Variants in GYG1 observed in about 807,000 individuals in gnomAD.
GYG1 encodes glycogenin-1.
Under a neutral mutation model 41.9 loss-of-function variants are expected in GYG1, and 44 were observed. The ratio of observed to expected loss-of-function variants is 1.05; its 90% confidence interval spans 0.83 to 1.35. GYG1 has a LOEUF of 1.35. GYG1 is among the 40% of genes most tolerant of loss of function. GYG1 has a pLI of 0.00. For missense variants in GYG1, 429 were observed against 418.9 expected (o/e 1.02, Z -0.21); for synonymous variants, 141 against 158.1 (o/e 0.89, Z 0.81).
intron 5 of GYG1, among the ~76,000 whole-genome samples, chr3:149,017,768 T>C (rs1714151964): frequency 6.8e-6 from 1 of 148,016 alleles, no homozygotes; most frequent in South Asian, 2.1e-4. Flanking sequence ...CATGCCCAGC[T>C]AGTTTTTTTT....
Position 149,029,460 on chromosome 3 carries a change from AAATG to A in GYG1, c.*2528_*2531del, listed in dbSNP as rs1164654464. ...TGGAGCTATGGTTTATGCATAAAGT[AAATG>A]TTTGTTTACCTTAATTCTCCTTATA... On this transcript the variant is annotated 3_prime_UTR_variant, in exon 8 of 8. Coordinates refer to ENST00000345003, the MANE Select transcript of GYG1 (RefSeq NM_004130.4). 1.3e-5 allele frequency among the ~76,000 whole-genome samples: 2 copies of A among 152,132 alleles called. No individual in the cohort carries two copies. The highest frequency in any genetic ancestry group is 2.9e-5 in the Non-Finnish European group (2 of 68,044).
intron 5 of GYG1, among the ~76,000 whole-genome samples, chr3:149,013,269 GTT>G (rs1243041802): frequency 6.9e-6 from 1 of 144,498 alleles, no homozygotes. Context: ...CTAACTGAAG[GTT>G]TTGTTTCATC....
intron 5 of GYG1, among the ~76,000 whole-genome samples, chr3:149,019,987 C>T (rs1386790245): frequency 6.6e-6 from 1 of 152,180 alleles, no homozygotes; most frequent in Non-Finnish European, 1.5e-5. Flanking sequence ...TGGATTGGAC[C>T]ATTGTGCCCT....
chr3:149,015,833 A>G (rs1684801612), intron 5 of GYG1, among the ~76,000 whole-genome samples: 1 of 152,170 alleles, frequency 6.6e-6, no homozygotes, highest in Non-Finnish European at 1.5e-5. Context: ...TCACCACAGC[A>G]TGTTTTTGTA....
At chr3:149,019,437 C>G (rs554807817) in intron 5 of GYG1, among the ~76,000 whole-genome samples, 1 of 152,222 alleles carries the variant, frequency 6.6e-6, no homozygotes, top group African/African-American at 2.4e-5. Flanking sequence ...CCACTCACCC[C>G]CTGTCTTGCT....
intron 4 of GYG1, among the ~76,000 whole-genome samples, chr3:149,006,080 CTT>C (rs34268321): frequency 1.9e-4 from 22 of 117,200 alleles, no homozygotes; most frequent in African/African-American, 4.9e-4. Flanking sequence ...TCATCATATT[CTT>C]TTTTTTTTTT....
At position 149,009,409 on chromosome 3, in the gene GYG1, G is replaced by A. The variant is rs764405718; in HGVS notation, c.608+7G>A. ...ACCTCCCGGCATTTAAAGTGTAAGT[G>A]CAGATGGTTTAACTATTGTTGGAGA... On this transcript the variant is annotated splice_region_variant and intron_variant, in intron 5 of 7. Transcript: ENST00000345003. 1 of 1,613,544 alleles carries A rather than the reference G, an allele frequency of 6.2e-7. No homozygotes were observed. The highest frequency in any genetic ancestry group is 1.1e-5 in the South Asian group (1 of 91,070).
chr3:149,026,315 C>T (rs1479096952), intron 6 of GYG1, 137 bp from the exon 7 acceptor site: 4 of 749,488 alleles, frequency 5.3e-6, no homozygotes, highest in Non-Finnish European at 9.9e-6. Context: ...TAGTTAGATT[C>T]TTTCTGAAAT....
intron 4 of GYG1, among the ~76,000 whole-genome samples, chr3:149,005,555 A>G (rs747447139): frequency 6.6e-6 from 1 of 152,216 alleles, no homozygotes; most frequent in East Asian, 1.9e-4. Context: ...ATGGTAGAAT[A>G]TAAGTCGTTT....
At chr3:149,018,978 G>A (rs1424027169) in intron 5 of GYG1, among the ~76,000 whole-genome samples, 1 of 151,530 alleles carries the variant, frequency 6.6e-6, no homozygotes, top group Non-Finnish European at 1.5e-5. Context: ...GCTGAGGTGG[G>A]AGAATTGCTT....
chr3:149,006,938 C>T (rs1713438402), intron 4 of GYG1, among the ~76,000 whole-genome samples: 1 of 152,150 alleles, frequency 6.6e-6, no homozygotes, highest in Admixed American at 6.5e-5. Flanking sequence ...GTCTTTGGTT[C>T]TCATATCTGT....
rs758111137 is a variant in GYG1, at chr3:148,991,650, ACCGCCGCGCAGC to A, written c.7+11_7+22del. The A allele has an allele frequency of 6.5e-7, 1 of 1,535,706 alleles. No homozygotes were observed. The highest frequency in any genetic ancestry group is 1.2e-5 in the South Asian group (1 of 84,112). ...CGCACCCGGCAGCACCATGACAGGT[ACCGCCGCGCAGC>A]CCGCCGCCGCCAGCCCCGGGACCCC... On this transcript the variant is annotated splice_donor_5th_base_variant and intron_variant, in intron 1 of 7. Coordinates refer to ENST00000345003, the MANE Select transcript of GYG1 (RefSeq NM_004130.4).
At chr3:149,004,310 TGACTAAAATGTATCG>T (rs1325495872) in intron 4 of GYG1, among the ~76,000 whole-genome samples, 1 of 152,242 alleles carries the variant, frequency 6.6e-6, no homozygotes, top group Non-Finnish European at 1.5e-5. Context: ...TCTAGAAGTC[TGACTAAAATGTATCG>T]GACAAAAGTT....
chr3:148,997,034 T>G, intron 4 of GYG1, 130 bp downstream of exon 4: 1 of 738,540 alleles, frequency 1.4e-6, no homozygotes, highest in Non-Finnish European at 2.4e-6. Context: ...GCATTTTAAG[T>G]TGTGCTCTTC....
In GYG1 at chr3:148,991,609, C is replaced by G; in HGVS notation, c.-32C>G. ...GCTTCTCTGAGTCACCAACCTGAGG[C>G]TGCCCCGGCCGCCTGCGCACCCGGC... On this transcript the variant is annotated 5_prime_UTR_variant, in exon 1 of 8. Coordinates refer to ENST00000345003, the MANE Select transcript of GYG1 (RefSeq NM_004130.4). 6.4e-7 allele frequency: 1 copy of G among 1,554,630 alleles called. No individual in the cohort carries two copies. The highest frequency in any genetic ancestry group is 1.2e-5 in the South Asian group (1 of 85,780).
rs774613226 is a variant in GYG1 at position 149,009,260 on chromosome 3, T to C, written c.482-16T>C. The C allele has an allele frequency of 8.2e-6, 13 of 1,593,008 alleles. No homozygotes were observed. Among genetic ancestry groups the C allele is most frequent in the East Asian group, 2.2e-5 (1 of 44,776 alleles). ...CTAGAGATCTGTTAACTAATTTATA[T>C]ATTTTTTTCTTTTAGGTGGGGACCA... is the stretch of plus-strand genomic sequence containing the variant. On this transcript the variant is annotated splice_polypyrimidine_tract_variant and intron_variant, in intron 4 of 7. Transcript: ENST00000345003.
intron 1 of GYG1, chr3:148,992,897 C>T (rs1324612792): frequency 6.6e-6 from 1 of 150,876 alleles, no homozygotes; most frequent in Non-Finnish European, 1.5e-5. Context: ...GGTCAGCAGC[C>T]GAGGGATGCG....
chr3:148,996,755 T>C lies in GYG1; in HGVS notation c.332T>C (p.Ile111Thr), dbSNP rs200687148. The change falls in exon 4 of 8, where the codon ATT becomes ACT. Residue 111 changes from isoleucine (I) to threonine (T), a missense_variant. Physicochemically the swap from Ile to Thr is moderately conservative, Grantham distance 89. Transcript: ENST00000345003. The part of the protein sequence containing the change: ...MDADTLVLAN[I>T]DDLFDREELS... ...CCCTTTGATCAGGTCCTAGCAAATA[T>C]TGATGATCTTTTTGACAGAGAAGAA... 33 of 1,613,864 alleles carry C rather than the reference T, an allele frequency of 2.0e-5. No individual in the cohort carries two copies. Among genetic ancestry groups the C allele is most frequent in the Non-Finnish European group, 2.6e-5 (31 of 1,179,858 alleles).
Position 149,027,359 on chromosome 3 carries a change from A to G in GYG1, c.*426A>G. 4.9e-6 allele frequency: 1 copy of G among 205,706 alleles called. No individual in the cohort carries two copies. Among genetic ancestry groups the G allele is most frequent in the Non-Finnish European group, 1.0e-5 (1 of 99,520 alleles). 12.7% of individuals were successfully genotyped at this position (205,706 alleles called of 1,614,324 possible). On this transcript the variant is annotated 3_prime_UTR_variant, in exon 8 of 8. Transcript: ENST00000345003. ...CGAGACCTGAATTTTAGAATTGCCC[A>G]GTGCTGCCAGAGTGAGTGAGTGTAA...
Sources: allele counts gnomAD v4.1 joint callset (sites outside exome capture counted in the v4.1 genomes callset), GRCh38; gene constraint gnomAD v4.1.1; transcripts MANE v1.5; gene names NCBI Gene and HGNC (gene_info 2026-07-23, HGNC 2026-07-21).